RAPGEF2: variants seen among roughly 807,000 people sequenced by gnomAD.
The protein encoded by RAPGEF2 is Rap guanine nucleotide exchange factor 2, also known as PDZ domain containing guanine nucleotide exchange factor (GEF) 1.
In RAPGEF2, 54 loss-of-function variants were observed where a neutral mutation model predicts 186.7. The ratio of observed to expected loss-of-function variants is 0.29; its 90% CI spans 0.23 to 0.36. The LOEUF (loss-of-function observed/expected upper bound fraction) is 0.36. Among genes scored for constraint, RAPGEF2 ranks in the 10% least tolerant of loss-of-function variants. The pLI is 1.00. For synonymous variants in RAPGEF2, 712 were observed against 705.9 expected (o/e 1.01, Z -0.14); for missense variants, 1,532 against 2,045.0 (o/e 0.75, Z 4.84).
intron 6 of RAPGEF2, among the ~76,000 whole-genome samples, chr4:159,242,470 C>T (rs1327304327): frequency 6.7e-6 from 1 of 149,126 alleles, no homozygotes; most frequent in Non-Finnish European, 1.5e-5. Flanking sequence ...TATACCCACA[C>T]TTCATATATT....
At chr4:159,349,364 G>C (rs565958320) in intron 25 of RAPGEF2, among the ~76,000 whole-genome samples, 25 of 152,282 alleles carry the variant, frequency 1.6e-4, no homozygotes, top group African/African-American at 6.0e-4. Flanking sequence ...AATAATATGA[G>C]AGGCTTTGTA....
At chr4:159,117,039 A>C (rs1739128196) in intron 1 of RAPGEF2, among the ~76,000 whole-genome samples, 1 of 152,180 alleles carries the variant, frequency 6.6e-6, no homozygotes, top group African/African-American at 2.4e-5. Context: ...AAATAACAAA[A>C]GTATTTATCT....
intron 17 of RAPGEF2, 113 bp from the exon 18 acceptor site, chr4:159,338,198 A>T: frequency 2.2e-6 from 2 of 902,964 alleles, no homozygotes; most frequent in Non-Finnish European, 3.2e-6. Flanking sequence ...TGGTGTTTTT[A>T]CATGAGCTGC....
In RAPGEF2 at chr4:159,354,764, C is replaced by T. The variant is rs114924984; in HGVS notation, c.4651+718C>T. Among the ~76,000 whole-genome samples, 743 of 152,266 alleles carry T rather than the reference C, an allele frequency of 4.9e-3. 6 individuals carry two copies. The highest frequency in any genetic ancestry group is 0.017 in the African/African-American group (697 of 41,542). On this transcript the variant is annotated intron_variant, in intron 28 of 29. Coordinates refer to ENST00000691494, the MANE Select transcript of RAPGEF2 (RefSeq NM_001394067.2). The stretch of plus-strand genomic sequence containing the variant: ...TTTATGCAAAGTATTTAGAACAGTG[C>T]CCAGATAGTAGATTCACTAAGTACA...
At chr4:159,245,093 G>A (rs1754466578) in intron 7 of RAPGEF2, among the ~76,000 whole-genome samples, 1 of 151,880 alleles carries the variant, frequency 6.6e-6, no homozygotes, top group African/African-American at 2.4e-5. Context: ...CTTAGAACTT[G>A]GAATTGAATT....
At chr4:159,104,440 C>T (rs1737557777) in intron 1 of RAPGEF2, among the ~76,000 whole-genome samples, 1 of 149,902 alleles carries the variant, frequency 6.7e-6, no homozygotes, top group South Asian at 2.1e-4. Flanking sequence ...CATTCTGCTC[C>T]TTAACTCTTC....
At chr4:159,224,276 T>C (rs569505190) in intron 4 of RAPGEF2, among the ~76,000 whole-genome samples, 1 of 152,316 alleles carries the variant, frequency 6.6e-6, no homozygotes, top group East Asian at 1.9e-4. Context: ...TGAAACAGAT[T>C]TTTTTCATTG....
chr4:159,191,198 A>G (rs1748083256), intron 2 of RAPGEF2, among the ~76,000 whole-genome samples: 1 of 133,880 alleles, frequency 7.5e-6, no homozygotes, highest in African/African-American at 2.7e-5. Context: ...CATCCAAAAG[A>G]GACAGAAAAA....
intron 8 of RAPGEF2, among the ~76,000 whole-genome samples, chr4:159,305,060 G>A (rs925237988): frequency 7.2e-5 from 11 of 152,014 alleles, no homozygotes; most frequent in African/African-American, 2.4e-4. Context: ...TATATGTACT[G>A]TACTTTATTC....
chr4:159,169,045 A>G (rs946741741), intron 1 of RAPGEF2, among the ~76,000 whole-genome samples: 9 of 152,220 alleles, frequency 5.9e-5, no homozygotes, highest in African/African-American at 2.2e-4. Flanking sequence ...GGACCAGAGT[A>G]TATTGTACCA....
At chr4:159,121,227 T>G (rs1739644839) in intron 1 of RAPGEF2, among the ~76,000 whole-genome samples, 1 of 152,182 alleles carries the variant, frequency 6.6e-6, no homozygotes, top group Non-Finnish European at 1.5e-5. Context: ...GATCTTGATT[T>G]CCTGAGAGTT....
chr4:159,212,422 G>C (rs907331709), intron 4 of RAPGEF2, among the ~76,000 whole-genome samples: 1 of 152,190 alleles, frequency 6.6e-6, no homozygotes, highest in African/African-American at 2.4e-5. Flanking sequence ...AAAATAAAGA[G>C]AAGAAACATT....
intron 8 of RAPGEF2, among the ~76,000 whole-genome samples, chr4:159,309,089 G>GT (rs1763644477): frequency 6.6e-6 from 1 of 152,198 alleles, no homozygotes; most frequent in African/African-American, 2.4e-5. Context: ...AGTTTGTTAA[G>GT]TGAGTGTAAT....
At chr4:159,117,615 C>T (rs1275655331) in intron 1 of RAPGEF2, among the ~76,000 whole-genome samples, 3 of 150,668 alleles carry the variant, frequency 2.0e-5, no homozygotes, top group African/African-American at 7.3e-5. Flanking sequence ...AAATTCATAT[C>T]TTTAATTTTA....
At chr4:159,221,663 C>CA (rs2111405101) in intron 4 of RAPGEF2, among the ~76,000 whole-genome samples, 1 of 152,340 alleles carries the variant, frequency 6.6e-6, no homozygotes, top group South Asian at 2.1e-4. Flanking sequence ...CCCTCACTCT[C>CA]AGAGTGCATT....
At chr4:159,314,887 C>G (rs907398591) in intron 9 of RAPGEF2, 119 bp downstream of exon 9, 8 of 1,010,144 alleles carry the variant, frequency 7.9e-6, no homozygotes, top group Non-Finnish European at 1.1e-5. Flanking sequence ...TATTAATTTC[C>G]TTTGTATAAA....
intron 2 of RAPGEF2, among the ~76,000 whole-genome samples, chr4:159,187,774 G>C (rs1333459804): frequency 6.6e-6 from 1 of 152,106 alleles, no homozygotes; most frequent in African/African-American, 2.4e-5. Flanking sequence ...ACACCAACTA[G>C]GACATAATGG....
intron 7 of RAPGEF2, among the ~76,000 whole-genome samples, chr4:159,280,424 T>C (rs1759535291): frequency 6.6e-6 from 1 of 152,226 alleles, no homozygotes; most frequent in African/African-American, 2.4e-5. Flanking sequence ...TCTTCTTTCT[T>C]GGCACTGCTA....
intron 8 of RAPGEF2, among the ~76,000 whole-genome samples, chr4:159,310,785 AG>A (rs1256617806): frequency 3.9e-5 from 6 of 152,240 alleles, no homozygotes; most frequent in African/African-American, 1.4e-4. Flanking sequence ...TATCCAGATA[AG>A]CTTTTAAATA....
Sources: allele counts gnomAD v4.1 joint callset (sites outside exome capture counted in the v4.1 genomes callset), GRCh38; gene constraint gnomAD v4.1.1; transcripts MANE v1.5; gene names NCBI Gene and HGNC (gene_info 2026-07-23, HGNC 2026-07-21).